The following CDH13 variants were observed in gnomAD, a reference collection of about 807,000 sequenced individuals.
CDH13 encodes the protein cadherin 13.
Under a neutral mutation model 63.8 loss-of-function variants are expected in CDH13, and 24 were observed. That is an observed-to-expected ratio of 0.38 (90% CI 0.27 to 0.53). The LOEUF (loss-of-function observed/expected upper bound fraction) is 0.53. CDH13 is among the 20% of genes least tolerant of loss of function. CDH13 has a pLI of 0.85. For synonymous variants in CDH13, 503 were observed against 355.3 expected (o/e 1.42, Z -4.67); for missense variants, 1,049 against 903.1 (o/e 1.16, Z -2.07).
chr16:83,574,098 G>A (rs1463094063), intron 7 of CDH13, among the ~76,000 whole-genome samples: 1 of 152,120 alleles, frequency 6.6e-6, no homozygotes, highest in African/African-American at 2.4e-5. Flanking sequence ...GGCAGCTGCT[G>A]AAAAAGAGAC....
chr16:83,126,746 GA>G (rs1171997550), intron 4 of CDH13, among the ~76,000 whole-genome samples: 1 of 152,186 alleles, frequency 6.6e-6, no homozygotes, highest in African/African-American at 2.4e-5. Context: ...TTGGTTAAAT[GA>G]ATGATCTTAA....
At chr16:83,358,132 C>T (rs1017496884) in intron 6 of CDH13, among the ~76,000 whole-genome samples, 3 of 152,168 alleles carry the variant, frequency 2.0e-5, no homozygotes, top group Non-Finnish European at 4.4e-5. Flanking sequence ...TATACCTTAG[C>T]AGCAGGTGTC....
At chr16:82,841,254 A>G (rs1382737876) in intron 1 of CDH13, among the ~76,000 whole-genome samples, 3 of 152,212 alleles carry the variant, frequency 2.0e-5, no homozygotes, top group African/African-American at 7.2e-5. Flanking sequence ...TAGCAGATAC[A>G]GTGGCCATAT....
rs1207746539 is a variant in CDH13 at position 83,544,085 on chromosome 16, T to C, written c.960+57430T>C. Reference sequence around the variant, plus strand: ...ACCCAGTGGTTACTAGGTGGGGTGCTCTGTGCAGTGTGCTTCGAGCACACC... The same window carrying C: ...ACCCAGTGGTTACTAGGTGGGGTGCCCTGTGCAGTGTGCTTCGAGCACACC... On this transcript the variant is annotated intron_variant, in intron 7 of 13. Coordinates refer to ENST00000567109, the MANE Select transcript of CDH13 (RefSeq NM_001257.5). Among the ~76,000 whole-genome samples the C allele has an allele frequency of 2.6e-5, 4 of 152,288 alleles. No individual in the cohort carries two copies. In the East Asian group the frequency reaches 7.7e-4, roughly 29 times the overall value.
At chr16:83,530,803 T>C (rs2075067360) in intron 7 of CDH13, among the ~76,000 whole-genome samples, 1 of 152,200 alleles carries the variant, frequency 6.6e-6, no homozygotes, top group Non-Finnish European at 1.5e-5. Flanking sequence ...TTGCCACCTC[T>C]ATGTTGAAAT....
chr16:83,184,135 C>A (rs1305620189), intron 4 of CDH13, among the ~76,000 whole-genome samples: 2 of 140,002 alleles, frequency 1.4e-5, no homozygotes, highest in Middle Eastern at 3.5e-3. Flanking sequence ...CATACACACA[C>A]ACACAACTAG....
chr16:83,222,590 A>G (rs2039729329), intron 5 of CDH13, among the ~76,000 whole-genome samples: 1 of 152,040 alleles, frequency 6.6e-6, no homozygotes, highest in Non-Finnish European at 1.5e-5. Context: ...ACCTGATTAG[A>G]CTTGTACTTG....
At chr16:83,061,670 G>C (rs1226685057) in intron 3 of CDH13, among the ~76,000 whole-genome samples, 1 of 152,176 alleles carries the variant, frequency 6.6e-6, no homozygotes, top group Non-Finnish European at 1.5e-5. Flanking sequence ...ACTGCATTAA[G>C]TGAAACCAGA....
chr16:83,475,550 C>G (rs2073580024), intron 6 of CDH13, among the ~76,000 whole-genome samples: 1 of 152,092 alleles, frequency 6.6e-6, no homozygotes, highest in African/African-American at 2.4e-5. Flanking sequence ...CTCATTCTAG[C>G]CTAGCCTAAT....
chr16:82,958,160 T>G lies in CDH13; in HGVS notation c.158-73850T>G, dbSNP rs80343943. Among the ~76,000 whole-genome samples, 952 of 152,312 alleles carry G rather than the reference T, an allele frequency of 6.3e-3. 14 individuals carry two copies. Among genetic ancestry groups the G allele is most frequent in the African/African-American group, 0.022 (909 of 41,574 alleles). The stretch of plus-strand genomic sequence containing the variant: ...CTACCCATTCCTGGCTGTCAGATCT[T>G]GGAAAAGATTCTTGACCTCTCTTAG... On this transcript the variant is annotated intron_variant, in intron 2 of 13. Coordinates refer to ENST00000567109, the MANE Select transcript of CDH13 (RefSeq NM_001257.5).
intron 10 of CDH13, among the ~76,000 whole-genome samples, chr16:83,700,625 G>A (rs1396437373): frequency 1.3e-5 from 2 of 152,184 alleles, no homozygotes; most frequent in Admixed American, 1.3e-4. Flanking sequence ...TTTTGGGAAT[G>A]CAATCCCATA....
intron 10 of CDH13, among the ~76,000 whole-genome samples, chr16:83,712,774 C>T (rs937270446): frequency 6.6e-6 from 1 of 152,218 alleles, no homozygotes; most frequent in African/African-American, 2.4e-5. Context: ...CTCTGTTTAG[C>T]TCGCCACACA....
At chr16:82,886,712 G>A (rs183422993) in intron 2 of CDH13, among the ~76,000 whole-genome samples, 7 of 152,108 alleles carry the variant, frequency 4.6e-5, no homozygotes, top group African/African-American at 1.2e-4. Flanking sequence ...CTTTTTCTGT[G>A]TTCTCTGTGA....
chr16:83,362,910 T>G (rs574285494), intron 6 of CDH13, among the ~76,000 whole-genome samples: 75 of 152,322 alleles, frequency 4.9e-4, no homozygotes, highest in African/African-American at 1.8e-3. Context: ...GTGGTGGGGT[T>G]TCAGCTGGAA....
chr16:82,979,943 A>G (rs1424567646), intron 2 of CDH13, among the ~76,000 whole-genome samples: 4 of 152,240 alleles, frequency 2.6e-5, no homozygotes, highest in Non-Finnish European at 5.9e-5. Flanking sequence ...GTCATGTTTA[A>G]GTAAGATTTG....
Position 83,584,056 on chromosome 16 carries a change from G to A in CDH13, c.961-18398G>A, listed in dbSNP as rs1350871258. 3.3e-5 allele frequency among the ~76,000 whole-genome samples: 5 copies of A among 151,350 alleles called. No individual in the cohort carries two copies. The South Asian group carries it at 6.3e-4, about 19-fold the overall frequency. On this transcript the variant is annotated intron_variant, in intron 7 of 13. Transcript: ENST00000567109. ...GTTAAAGCATGGTTTCTGGCTGGGC[G>A]CGGTGGCTCACGCCTGTAATCCCAG... is the stretch of plus-strand genomic sequence containing the variant.
intron 2 of CDH13, among the ~76,000 whole-genome samples, chr16:82,935,864 A>G (rs994196551): frequency 2.0e-5 from 3 of 152,192 alleles, no homozygotes; most frequent in African/African-American, 7.2e-5. Context: ...GAGAAGAGAA[A>G]GAGAAACAGC....
intron 3 of CDH13, among the ~76,000 whole-genome samples, chr16:83,037,926 A>G (rs535855115): frequency 5.6e-4 from 85 of 152,176 alleles, no homozygotes; most frequent in Non-Finnish European, 9.0e-4. Flanking sequence ...GTTCCCATCA[A>G]TGGTATAATT....
intron 3 of CDH13, among the ~76,000 whole-genome samples, chr16:83,104,973 G>A (rs189267260): frequency 2.2e-4 from 34 of 152,240 alleles, no homozygotes; most frequent in African/African-American, 7.7e-4. Context: ...AGAAAGGAAC[G>A]TGCCATTCTT....
Sources: gnomAD v4.1 joint callset for allele counts (sites outside exome capture counted in the v4.1 genomes callset) on GRCh38, gnomAD v4.1.1 for gene constraint, MANE v1.5 for transcripts, NCBI Gene and HGNC (gene_info 2026-07-23, HGNC 2026-07-21) for gene names.